The following BTK variants were observed in gnomAD, a reference collection of about 807,000 sequenced individuals.
BTK encodes tyrosine-protein kinase BTK.
A neutral mutation model predicts 57.4 loss-of-function variants in BTK; 5 were observed. The ratio of observed to expected loss-of-function variants is 0.09; its 90% CI spans 0.05 to 0.18. The LOEUF is 0.18. BTK is among the 10% of genes least tolerant of loss of function. The pLI, the probability that BTK is intolerant of heterozygous loss-of-function variation, is 1.00. For missense variants in BTK, 194 were observed against 501.2 expected, an observed-to-expected ratio of 0.39 and a Z score of 5.85; for synonymous variants, 154 against 174.3, an observed-to-expected ratio of 0.88 and a Z score of 0.92.
intron 13 of BTK, 74 bp from the exon 14 acceptor site, chrX:101,357,029 T>C: frequency 1.8e-6 from 2 of 1,111,505 alleles, no homozygotes; most frequent in Non-Finnish European, 2.5e-6. Context: ...AAATCCCTAC[T>C]GGGGTAGAAA....
Position 101,360,035 on chromosome X carries a change from TAG to T in BTK, c.839+51_839+52del, listed in dbSNP as rs200761404. 1,169 of 499,928 alleles carry T rather than the reference TAG, an allele frequency of 2.3e-3. 32 individuals carry two copies. The highest frequency in any genetic ancestry group is 2.7e-3 in the Middle Eastern group (6 of 2,210). The allele number at this position is 499,928 out of a possible 1,213,427, so 41.2% of individuals were successfully genotyped here. A position where few individuals can be genotyped will look rare whatever the true frequency, so the allele number is the denominator to read the frequency against. On this transcript the variant is annotated intron_variant, in intron 9 of 18. Transcript: ENST00000308731. ...ATAAATAAATAAATATATATATATATAGAGAGAGAGAGTTCCTCCTGGAAGAT... is the reference window on the plus strand; with the variant it reads ...ATAAATAAATAAATATATATATATATAGAGAGAGAGTTCCTCCTGGAAGAT...
At chrX:101,384,286 C>T (rs954153038) in intron 1 of BTK, among the ~76,000 whole-genome samples, 1 of 111,970 alleles carries the variant, frequency 8.9e-6, no homozygotes, top group Non-Finnish European at 1.9e-5. Context: ...TACATTAGTT[C>T]GCACCATAAG....
intron 18 of BTK, 71 bp downstream of exon 18, chrX:101,353,123 G>T: frequency 9.9e-7 from 1 of 1,009,518 alleles, no homozygotes; most frequent in Non-Finnish European, 1.4e-6. Flanking sequence ...AGTCTTTGGT[G>T]GCTGAATGGC....
chrX:101,374,707 T>TAACAAA, intron 2 of BTK, 73 bp from the exon 3 acceptor site: 1 of 900,905 alleles, frequency 1.1e-6, no homozygotes, highest in Non-Finnish European at 1.6e-6. Context: ...TAGATTTTGT[T>TAACAAA]ATCTAATCAT....
At chrX:101,350,104 AAG>A in intron 18 of BTK, 148 bp from the exon 19 acceptor site, 1 of 454,757 alleles carries the variant, frequency 2.2e-6, no homozygotes, top group East Asian at 3.7e-5. Context: ...AAAAAAAAAA[AAG>A]AAATAGCAGC....
chrX:101,373,256 C>CA (rs1927096984), intron 3 of BTK, among the ~76,000 whole-genome samples: 1 of 110,331 alleles, frequency 9.1e-6, no homozygotes, highest in South Asian at 3.8e-4. Context: ...AAGAGAAGAA[C>CA]AAAATTTTAC....
chrX:101,361,889 C>A (rs1468445555), intron 7 of BTK, among the ~76,000 whole-genome samples: 2 of 112,190 alleles, frequency 1.8e-5, no homozygotes, highest in African/African-American at 6.5e-5. Flanking sequence ...AGCGAGACTC[C>A]GTCTCAAAAC....
intron 18 of BTK, among the ~76,000 whole-genome samples, chrX:101,350,894 T>C (rs1487615510): frequency 1.8e-5 from 2 of 112,539 alleles, no homozygotes; most frequent in African/African-American, 6.5e-5. Context: ...TCAGTGATTC[T>C]TAAACTTAGC....
intron 18 of BTK, 195 bp downstream of exon 18, chrX:101,352,999 A>G (rs2147423659): frequency 2.4e-6 from 1 of 418,386 alleles, no homozygotes; most frequent in African/African-American, 2.6e-5. Flanking sequence ...CTGGGAGGCG[A>G]AGGTTGCAGT....
Position 101,365,837 on chromosome X carries a change from T to C in BTK, c.392-3148A>G, listed in dbSNP as rs782035284. On this transcript the variant is annotated intron_variant, in intron 5 of 18. Coordinates refer to ENST00000308731, the MANE Select transcript of BTK (RefSeq NM_000061.3). Reference sequence around the variant, plus strand: ...TTCAAGAATAAGTATAGGCAAATATTTGTGGTGCTGGAACATAGAAGGGCC... The same window carrying C: ...TTCAAGAATAAGTATAGGCAAATATCTGTGGTGCTGGAACATAGAAGGGCC... Among the ~76,000 whole-genome samples the C allele has an allele frequency of 3.6e-5, 4 of 112,188 alleles. No homozygotes were observed. In the East Asian group the frequency reaches 8.4e-4, roughly 24 times the overall value.
At chrX:101,360,221 C>G (rs143457709) in intron 8 of BTK, 71 bp from the exon 9 acceptor site, 5 of 756,488 alleles carry the variant, frequency 6.6e-6, no homozygotes, top group Non-Finnish European at 1.0e-5. Flanking sequence ...CATATGCCCA[C>G]GTCCCTGAGC....
Position 101,383,431 on chromosome X carries a change from A to G in BTK, c.-31+2631T>C, listed in dbSNP as rs141783680. ...AATAGTTTCCAGAAACATTGTCCCA[A>G]TTTCAGTTCCAAATAGTTTTAGAGA... On this transcript the variant is annotated intron_variant, in intron 1 of 18. Transcript: ENST00000308731. 7.5e-3 allele frequency among the ~76,000 whole-genome samples: 841 copies of G among 111,613 alleles called. 7 individuals are homozygous for G. Among genetic ancestry groups the G allele is most frequent in the African/African-American group, 0.026 (795 of 30,722 alleles).
At chrX:101,360,997 G>A (rs1010161075) in intron 7 of BTK, among the ~76,000 whole-genome samples, 1 of 111,166 alleles carries the variant, frequency 9.0e-6, no homozygotes, top group Non-Finnish European at 1.9e-5. Context: ...GGGCGGATCA[G>A]TTGAGGCCAG....
intron 4 of BTK, 28 bp from the exon 5 acceptor site, chrX:101,370,107 C>T (rs1926979105): frequency 3.6e-6 from 4 of 1,119,734 alleles, no homozygotes; most frequent in Non-Finnish European, 4.9e-6. Context: ...CAGACTTCAG[C>T]AGTTAGGATT....
Position 101,372,274 on chromosome X carries a change from A to C in BTK, c.241-573T>G, listed in dbSNP as rs140614882. 6.7e-3 allele frequency among the ~76,000 whole-genome samples: 745 copies of C among 111,984 alleles called. 5 individuals are homozygous for C. The highest frequency in any genetic ancestry group is 0.023 in the African/African-American group (724 of 30,852). Reference sequence around the variant, plus strand: ...GAAAAACATTTTCAACATACTTTACAGTTAAAGGATAAATGTTCTTATATC... The same window carrying C: ...GAAAAACATTTTCAACATACTTTACCGTTAAAGGATAAATGTTCTTATATC... On this transcript the variant is annotated intron_variant, in intron 3 of 18. Coordinates refer to ENST00000308731, the MANE Select transcript of BTK (RefSeq NM_000061.3).
chrX:101,359,417 G>A, intron 9 of BTK, 70 bp from the exon 10 acceptor site: 1 of 1,023,157 alleles, frequency 9.8e-7, no homozygotes. Context: ...CACCCTCCAG[G>A]GCTTGTCCAT....
intron 1 of BTK, among the ~76,000 whole-genome samples, chrX:101,382,140 C>T (rs3027613): frequency 0.33 from 35,299 of 108,582 alleles, 7,011 homozygotes; most frequent in African/African-American, 0.74. Flanking sequence ...CAGTGAAACC[C>T]AATTATTTTA....
intron 1 of BTK, among the ~76,000 whole-genome samples, chrX:101,381,354 G>A (rs916967415): frequency 3.6e-5 from 4 of 111,674 alleles, no homozygotes; most frequent in Admixed American, 9.6e-5. Context: ...TATGCAATTT[G>A]CATCATTCCT....
At chrX:101,357,435 C>G (rs1465173690) in intron 13 of BTK, 74 bp downstream of exon 13, 1 of 961,027 alleles carries the variant, frequency 1.0e-6, no homozygotes, top group East Asian at 3.1e-5. Context: ...CAAGGACACT[C>G]CCTAAGGCAA....
Sources: allele counts gnomAD v4.1 joint callset (sites outside exome capture counted in the v4.1 genomes callset), GRCh38; gene constraint gnomAD v4.1.1; transcripts MANE v1.5; gene names NCBI Gene and HGNC (gene_info 2026-07-23, HGNC 2026-07-21).